Variants in PLCE1 observed in about 807,000 individuals in gnomAD.
PLCE1 encodes the protein phospholipase C epsilon 1, also known as 1-phosphatidylinositol 4,5-bisphosphate phosphodiesterase epsilon-1.
Under a neutral mutation model 242.8 loss-of-function variants are expected in PLCE1, and 119 were observed. That is an observed-to-expected ratio of 0.49 (90% confidence interval 0.42 to 0.57). The LOEUF (loss-of-function observed/expected upper bound fraction) is 0.57. Among genes scored for constraint, PLCE1 ranks in the 20% least tolerant of loss-of-function variants. PLCE1 has a pLI of 0.00. For missense variants in PLCE1, 2,441 were observed against 2,788.8 expected (o/e 0.88, Z 2.81); for synonymous variants, 945 against 1,017.4 (o/e 0.93, Z 1.35).
intron 4 of PLCE1, among the ~76,000 whole-genome samples, chr10:94,194,342 G>A (rs1474340103): frequency 6.6e-6 from 1 of 152,182 alleles, no homozygotes; most frequent in East Asian, 1.9e-4. Flanking sequence ...AATACTAAGA[G>A]ACAGCCCTCT....
intron 2 of PLCE1, among the ~76,000 whole-genome samples, chr10:94,124,146 G>A (rs1445110718): frequency 6.6e-6 from 1 of 152,116 alleles, no homozygotes; most frequent in Non-Finnish European, 1.5e-5. Flanking sequence ...CTGGGACGCT[G>A]AGGCGGGAGG....
chr10:94,073,579 C>A (rs550102360), intron 2 of PLCE1, among the ~76,000 whole-genome samples: 1 of 152,138 alleles, frequency 6.6e-6, no homozygotes, highest in African/African-American at 2.4e-5. Context: ...AGAAGCCAAT[C>A]GATCAATTTA....
chr10:94,289,959 G>A (rs532295678), intron 22 of PLCE1, among the ~76,000 whole-genome samples: 8 of 151,850 alleles, frequency 5.3e-5, no homozygotes, highest in Non-Finnish European at 1.2e-4. Context: ...TGACTCTTTT[G>A]TAATAACACT....
At chr10:94,293,805 G>A (rs1011166010) in intron 23 of PLCE1, among the ~76,000 whole-genome samples, 166 bp downstream of exon 23, 8 of 151,954 alleles carry the variant, frequency 5.3e-5, no homozygotes, top group African/African-American at 9.7e-5. Flanking sequence ...CACTTTTAAC[G>A]TACTAAAAAC....
chr10:94,311,018 C>T (rs566005721), intron 27 of PLCE1, among the ~76,000 whole-genome samples: 10 of 152,134 alleles, frequency 6.6e-5, no homozygotes, highest in Non-Finnish European at 1.0e-4. Flanking sequence ...GAGTGCTTTG[C>T]TTATTATCAC....
chr10:94,215,563 G>A (rs1163000190), intron 4 of PLCE1, among the ~76,000 whole-genome samples: 4 of 152,150 alleles, frequency 2.6e-5, no homozygotes, highest in Non-Finnish European at 5.9e-5. Context: ...CTAATTGGAT[G>A]TGGGAATGGA....
chr10:94,322,157 C>A, intron 30 of PLCE1, 98 bp downstream of exon 30: 1 of 1,166,698 alleles, frequency 8.6e-7, no homozygotes, highest in East Asian at 2.4e-5. Context: ...AGTGAAGTTC[C>A]TCAACAACAG....
At chr10:93,998,515 T>C (rs1013827133) in intron 1 of PLCE1, among the ~76,000 whole-genome samples, 5 of 152,214 alleles carry the variant, frequency 3.3e-5, no homozygotes, top group African/African-American at 1.2e-4. Flanking sequence ...CCCTGGGGTT[T>C]ACCTAGTACA....
intron 31 of PLCE1, 94 bp from the exon 32 acceptor site, chr10:94,324,798 G>C: frequency 7.7e-7 from 1 of 1,292,840 alleles, no homozygotes; most frequent in South Asian, 1.2e-5. Flanking sequence ...CAAAGCTCTA[G>C]AGAGAAGAGG....
chr10:94,143,342 A>G (rs550913215), intron 3 of PLCE1, among the ~76,000 whole-genome samples: 77 of 152,348 alleles, frequency 5.1e-4, no homozygotes, highest in Middle Eastern at 3.4e-3. Context: ...TCCAGTTAAA[A>G]TTTGTATATT....
At chr10:94,123,434 A>G (rs1257165632) in intron 2 of PLCE1, among the ~76,000 whole-genome samples, 1 of 152,198 alleles carries the variant, frequency 6.6e-6, no homozygotes, top group East Asian at 1.9e-4. Context: ...CTGTTTGGTC[A>G]GTGTCTTGCT....
intron 4 of PLCE1, among the ~76,000 whole-genome samples, chr10:94,194,664 C>G (rs1037895972): frequency 6.6e-6 from 1 of 152,182 alleles, no homozygotes; most frequent in Non-Finnish European, 1.5e-5. Flanking sequence ...AGGCAAGTTT[C>G]CTAACTATTG....
intron 4 of PLCE1, among the ~76,000 whole-genome samples, chr10:94,218,675 G>A (rs555956674): frequency 1.3e-5 from 2 of 151,892 alleles, no homozygotes; most frequent in Admixed American, 1.3e-4. Context: ...CTCATGCCTA[G>A]CATAGTTCCA....
chr10:94,307,725 T>C (rs2053248895), intron 26 of PLCE1, among the ~76,000 whole-genome samples: 1 of 152,116 alleles, frequency 6.6e-6, no homozygotes, highest in South Asian at 2.1e-4. Flanking sequence ...TCCCACTGGA[T>C]TAAGGCCCAC....
At position 94,031,508 on chromosome 10, in the gene PLCE1, G is replaced by A. The variant is rs1310333936; in HGVS notation, c.462G>A (p.Leu154=). The change falls in exon 2 of 33, where the codon CTG becomes CTA. Residue 154 remains leucine (L), a synonymous_variant. Coordinates refer to ENST00000371380, the MANE Select transcript of PLCE1 (RefSeq NM_016341.4). ...LERKVFPGIQ[L]ELDRPSMGIS... is the part of the protein sequence containing the mutation. ...GAAAGGTGTTCCCTGGAATTCAACT[G>A]GAACTAGACAGACCTTCCATGGGCA... 6.2e-7 allele frequency: 1 copy of A among 1,612,682 alleles called. No individual in the cohort carries two copies. The highest frequency in any genetic ancestry group is 1.3e-5 in the African/African-American group (1 of 74,898).
rs149384524 is a variant in PLCE1 at position 94,285,048 on chromosome 10, C to T, written c.5035+83C>T. 1,422 of 800,614 alleles carry T rather than the reference C, an allele frequency of 1.8e-3. 2 individuals carry two copies. The highest frequency in any genetic ancestry group is 2.5e-3 in the Non-Finnish European group (1,101 of 448,322). 49.6% of individuals were successfully genotyped at this position (800,614 alleles called of 1,614,324 possible). A position where few individuals can be genotyped will look rare whatever the true frequency, so the allele number is the denominator to read the frequency against. On this transcript the variant is annotated intron_variant, in intron 22 of 32. Coordinates refer to ENST00000371380, the MANE Select transcript of PLCE1 (RefSeq NM_016341.4). ...CATTTATTTAATTGGGCATTGTGAA[C>T]ACTCTCAAAATAACTAAATTGTGTT... is the stretch of plus-strand genomic sequence containing the variant.
chr10:94,093,223 A>G (rs1299152510), intron 2 of PLCE1, among the ~76,000 whole-genome samples: 1 of 152,248 alleles, frequency 6.6e-6, no homozygotes, highest in Non-Finnish European at 1.5e-5. Context: ...CATTATTTAA[A>G]CATAAATTAT....
intron 3 of PLCE1, among the ~76,000 whole-genome samples, chr10:94,142,058 A>C (rs758427613): frequency 1.3e-5 from 2 of 152,154 alleles, no homozygotes; most frequent in Non-Finnish European, 1.5e-5. Flanking sequence ...CCTCCAAGAA[A>C]GGCCTTTAAA....
At chr10:94,239,560 G>A (rs2050434421) in intron 7 of PLCE1, among the ~76,000 whole-genome samples, 1 of 152,126 alleles carries the variant, frequency 6.6e-6, no homozygotes, top group Non-Finnish European at 1.5e-5. Context: ...ATAACAGTGT[G>A]AAAATGGACT....
Sources: gnomAD v4.1 joint callset for allele counts (sites outside exome capture counted in the v4.1 genomes callset) on GRCh38, gnomAD v4.1.1 for gene constraint, MANE v1.5 for transcripts, NCBI Gene and HGNC (gene_info 2026-07-23, HGNC 2026-07-21) for gene names.